UNC13C: variants seen among roughly 807,000 people sequenced by gnomAD.
UNC13C encodes unc-13 homolog C, also known as protein unc-13 homolog C.
UNC13C carries 174 observed loss-of-function variants against 245.4 expected under a neutral mutation model. The ratio of observed to expected loss-of-function variants is 0.71; its 90% CI spans 0.63 to 0.80. The LOEUF is 0.80. Ranked by LOEUF, UNC13C falls within the 30% of genes least tolerant of loss-of-function variation. The probability of loss-of-function intolerance (pLI) is 0.00; values close to 1 mark genes in which losing one functional copy is unlikely to be tolerated. For missense variants in UNC13C, 2,829 were observed against 2,602.9 expected, an observed-to-expected ratio of 1.09 and a Z score of -1.89; for synonymous variants, 992 against 895.1, an observed-to-expected ratio of 1.11 and a Z score of -1.93.
At chr15:53,924,442 A>C in the UNC13C span, among the ~76,000 whole-genome samples, 3 of 152,190 alleles carry the variant, frequency 2.0e-5, no homozygotes, top group South Asian at 6.2e-4. Flanking sequence ...TAAATAGCTA[A>C]ATGTTTATAA....
the UNC13C span, among the ~76,000 whole-genome samples, chr15:53,931,913 A>G: frequency 6.6e-6 from 1 of 152,172 alleles, no homozygotes; most frequent in African/African-American, 2.4e-5. Flanking sequence ...GATTAAGCTG[A>G]TTGTTTAACA....
chr15:54,094,193 A>G (rs1899726616), intron 2 of UNC13C, among the ~76,000 whole-genome samples: 1 of 152,116 alleles, frequency 6.6e-6, no homozygotes, highest in Admixed American at 6.6e-5. Context: ...CTAGAATTGC[A>G]CTGCTGTCTG....
chr15:54,550,803 T>A (rs1221709616), intron 28 of UNC13C, among the ~76,000 whole-genome samples: 1 of 152,180 alleles, frequency 6.6e-6, no homozygotes, highest in Non-Finnish European at 1.5e-5. Context: ...ATCCCTTTTA[T>A]TACCTCCCTG....
intron 26 of UNC13C, among the ~76,000 whole-genome samples, chr15:54,539,308 A>G (rs905967480): frequency 1.3e-5 from 2 of 152,054 alleles, no homozygotes; most frequent in Non-Finnish European, 2.9e-5. Context: ...GAAGATAGGT[A>G]TATAGGTAAG....
chr15:54,488,277 C>A (rs192579444), intron 19 of UNC13C, among the ~76,000 whole-genome samples: 77 of 152,272 alleles, frequency 5.1e-4, no homozygotes, highest in African/African-American at 1.5e-3. Flanking sequence ...TGTGAGCACA[C>A]AATAGCTAGT....
intron 4 of UNC13C, among the ~76,000 whole-genome samples, chr15:54,219,838 T>G (rs1342065241): frequency 1.3e-5 from 2 of 151,486 alleles, no homozygotes; most frequent in African/African-American, 4.9e-5. Flanking sequence ...AAAAGACACA[T>G]GAAAAAATGC....
At chr15:54,496,735 A>G (rs186677626) in intron 20 of UNC13C, among the ~76,000 whole-genome samples, 54 of 152,092 alleles carry the variant, frequency 3.6e-4, no homozygotes, top group Admixed American at 1.1e-3. Flanking sequence ...CAAACATTAT[A>G]TGTTTTCACT....
chr15:54,625,390 C>T (rs1901068948), intron 32 of UNC13C, among the ~76,000 whole-genome samples: 1 of 152,066 alleles, frequency 6.6e-6, no homozygotes, highest in African/African-American at 2.4e-5. Context: ...ATACCTGGCA[C>T]TGAATAAAAT....
chr15:53,911,270 A>C, the UNC13C span: 1 of 152,234 alleles, frequency 6.6e-6, no homozygotes, highest in East Asian at 1.9e-4. Flanking sequence ...CCAGATAAAT[A>C]GCCAGGAACA....
At chr15:54,613,015 A>C (rs950614314) in intron 30 of UNC13C, among the ~76,000 whole-genome samples, 2 of 151,888 alleles carry the variant, frequency 1.3e-5, no homozygotes, top group Admixed American at 1.3e-4. Flanking sequence ...ATTCACATAA[A>C]ATTAGGAGAT....
At chr15:54,623,665 T>G in intron 31 of UNC13C, 130 bp from the exon 32 acceptor site, 1 of 768,892 alleles carries the variant, frequency 1.3e-6, no homozygotes, top group Non-Finnish European at 2.0e-6. Context: ...TTTATTGTCT[T>G]GGAGTACAGT....
At chr15:53,844,656 A>T in the UNC13C span, among the ~76,000 whole-genome samples, 264 of 152,266 alleles carry the variant, frequency 1.7e-3, 1 homozygote, top group African/African-American at 6.1e-3. Context: ...CAGAAGATGC[A>T]TCTCAAAGGG....
At chr15:54,186,576 A>G (rs1401958807) in intron 4 of UNC13C, among the ~76,000 whole-genome samples, 1 of 152,020 alleles carries the variant, frequency 6.6e-6, no homozygotes, top group East Asian at 1.9e-4. Flanking sequence ...TTTTCCTCCA[A>G]GTGAAGAATG....
At chr15:54,527,454 CAG>C (rs1895525756) in intron 25 of UNC13C, among the ~76,000 whole-genome samples, 1 of 152,094 alleles carries the variant, frequency 6.6e-6, no homozygotes. Flanking sequence ...GATGACTAAA[CAG>C]AGTAGAAACT....
chr15:54,509,123 C>A (rs1236556458), intron 23 of UNC13C, among the ~76,000 whole-genome samples: 2 of 152,192 alleles, frequency 1.3e-5, no homozygotes, highest in East Asian at 1.9e-4. Context: ...TGCTTGAACC[C>A]GGGAGATGGA....
chr15:54,484,968 T>C (rs533237168), intron 19 of UNC13C, among the ~76,000 whole-genome samples: 27 of 151,908 alleles, frequency 1.8e-4, no homozygotes, highest in Admixed American at 2.6e-4. Flanking sequence ...AAACTGATTA[T>C]TTATGAGTGG....
chr15:54,378,834 T>C (rs1321272874), intron 17 of UNC13C, among the ~76,000 whole-genome samples: 5 of 152,036 alleles, frequency 3.3e-5, no homozygotes, highest in Admixed American at 6.6e-5. Flanking sequence ...TAATTATGTA[T>C]AGTTTAATTA....
At chr15:54,429,940 A>G in intron 19 of UNC13C, among the ~76,000 whole-genome samples, 1 of 151,712 alleles carries the variant, frequency 6.6e-6, no homozygotes, top group East Asian at 1.9e-4. Context: ...ATACTTAAAA[A>G]TGCATATGGT....
chr15:54,315,059 C>G (rs1374404093), intron 13 of UNC13C, among the ~76,000 whole-genome samples: 1 of 151,618 alleles, frequency 6.6e-6, no homozygotes, highest in East Asian at 1.9e-4. Context: ...CTTCCACTGC[C>G]GACTCATTTG....
Sources: gnomAD v4.1 joint callset for allele counts (sites outside exome capture counted in the v4.1 genomes callset) on GRCh38, gnomAD v4.1.1 for gene constraint, MANE v1.5 for transcripts, NCBI Gene and HGNC (gene_info 2026-07-23, HGNC 2026-07-21) for gene names.